LRFN2: variants seen among roughly 807,000 people sequenced by gnomAD.
The protein encoded by LRFN2 is leucine-rich repeat and fibronectin type-III domain-containing protein 2.
LRFN2 carries 18 observed loss-of-function variants against 37.3 expected under a neutral mutation model. The observed-to-expected ratio is 0.48, with a 90% CI of 0.33 to 0.72. The LOEUF (loss-of-function observed/expected upper bound fraction) is 0.72. Among genes scored for constraint, LRFN2 ranks in the 30% least tolerant of loss-of-function variants. LRFN2 has a pLI of 0.02. For missense variants in LRFN2, 1,006 were observed against 1,060.7 expected (o/e 0.95, Z 0.72); for synonymous variants, 556 against 466.6 (o/e 1.19, Z -2.47).
intron 1 of LRFN2, among the ~76,000 whole-genome samples, chr6:40,520,763 C>G (rs1214716522): frequency 6.6e-6 from 1 of 152,250 alleles, no homozygotes; most frequent in East Asian, 1.9e-4. Flanking sequence ...CTGTCCCCCT[C>G]TGCCCAGGCC....
chr6:40,511,394 G>A (rs116188128), intron 1 of LRFN2, among the ~76,000 whole-genome samples: 4,191 of 152,250 alleles, frequency 0.028, 84 homozygotes, highest in Middle Eastern at 0.068. Flanking sequence ...TGCAGAATGC[G>A]TTTCAATTCT....
intron 2 of LRFN2, among the ~76,000 whole-genome samples, chr6:40,430,952 G>A (rs868678238): frequency 3.3e-5 from 5 of 152,094 alleles, no homozygotes; most frequent in Admixed American, 6.5e-5. Flanking sequence ...ACTCCCTGAC[G>A]GTGAAGCCAA....
intron 1 of LRFN2, among the ~76,000 whole-genome samples, chr6:40,503,867 A>C (rs1765454986): frequency 6.6e-6 from 1 of 152,146 alleles, no homozygotes; most frequent in South Asian, 2.1e-4. Flanking sequence ...GTAAAGACAC[A>C]GAGGCTACCA....
chr6:40,405,699 T>C (rs573249350), intron 2 of LRFN2, among the ~76,000 whole-genome samples: 4 of 152,244 alleles, frequency 2.6e-5, no homozygotes, highest in Admixed American at 6.5e-5. Flanking sequence ...TTGGCTTCAA[T>C]ACTTGCAGCA....
intron 1 of LRFN2, among the ~76,000 whole-genome samples, chr6:40,445,196 AGTATCTACAGGGT>A (rs1763941909): frequency 6.6e-6 from 1 of 152,240 alleles, no homozygotes; most frequent in Admixed American, 6.5e-5. Context: ...GGAAGAGGGA[AGTATCTACAGGGT>A]GTCTGGTGTT....
intron 1 of LRFN2, among the ~76,000 whole-genome samples, chr6:40,566,364 C>T (rs1367483646): frequency 6.6e-6 from 1 of 152,200 alleles, no homozygotes; most frequent in African/African-American, 2.4e-5. Context: ...TACCATTAGA[C>T]CCAGCCATCC....
chr6:40,535,595 C>T (rs368489381), intron 1 of LRFN2, among the ~76,000 whole-genome samples: 1 of 152,280 alleles, frequency 6.6e-6, no homozygotes, highest in South Asian at 2.1e-4. Flanking sequence ...CAGACACATC[C>T]TTGGCCGGGG....
At chr6:40,564,712 G>T (rs1438170419) in intron 1 of LRFN2, among the ~76,000 whole-genome samples, 1 of 152,076 alleles carries the variant, frequency 6.6e-6, no homozygotes, top group African/African-American at 2.4e-5. Context: ...GTAAATCTGG[G>T]TTCCTTTCCC....
intron 1 of LRFN2, among the ~76,000 whole-genome samples, chr6:40,521,281 T>C (rs1485767866): frequency 1.3e-5 from 2 of 151,980 alleles, no homozygotes; most frequent in African/African-American, 4.8e-5. Flanking sequence ...GGCATGGGGA[T>C]TGGAGTGGGG....
At chr6:40,441,262 G>T (rs1018497189) in intron 1 of LRFN2, among the ~76,000 whole-genome samples, 2 of 152,170 alleles carry the variant, frequency 1.3e-5, no homozygotes, top group African/African-American at 4.8e-5. Flanking sequence ...CATGAATGGA[G>T]GGAGGCCCAT....
chr6:40,570,641 T>C (rs1767171329), intron 1 of LRFN2, among the ~76,000 whole-genome samples: 1 of 152,180 alleles, frequency 6.6e-6, no homozygotes, highest in African/African-American at 2.4e-5. Context: ...CGGGGGAAGC[T>C]GCTCTTAGTG....
chr6:40,478,292 C>T (rs1764751373), intron 1 of LRFN2, among the ~76,000 whole-genome samples: 1 of 152,150 alleles, frequency 6.6e-6, no homozygotes, highest in Admixed American at 6.5e-5. Context: ...ATTATTGGCC[C>T]ATTTTACAAA....
At chr6:40,476,003 T>C (rs1417243369) in intron 1 of LRFN2, among the ~76,000 whole-genome samples, 3 of 152,218 alleles carry the variant, frequency 2.0e-5, no homozygotes, top group African/African-American at 7.2e-5. Flanking sequence ...AAAAGCTATA[T>C]GTTATGGTTG....
chr6:40,487,524 T>C (rs956412309), intron 1 of LRFN2, among the ~76,000 whole-genome samples: 3 of 152,188 alleles, frequency 2.0e-5, no homozygotes, highest in Non-Finnish European at 4.4e-5. Flanking sequence ...CTCTGCAAAA[T>C]GCACACATCC....
intron 1 of LRFN2, among the ~76,000 whole-genome samples, chr6:40,484,647 C>T (rs528251906): frequency 6.6e-6 from 1 of 152,344 alleles, no homozygotes; most frequent in African/African-American, 2.4e-5. Context: ...CCCCTGGGAT[C>T]TATTCCTCAG....
intron 1 of LRFN2, among the ~76,000 whole-genome samples, chr6:40,500,128 C>T (rs1029220956): frequency 6.6e-6 from 1 of 152,234 alleles, no homozygotes; most frequent in Non-Finnish European, 1.5e-5. Context: ...GGGTCCTGGG[C>T]CCTCAGAGAA....
intron 2 of LRFN2, among the ~76,000 whole-genome samples, chr6:40,422,336 C>T (rs1763247741): frequency 6.6e-6 from 1 of 152,168 alleles, no homozygotes; most frequent in Non-Finnish European, 1.5e-5. Context: ...CAGTGCTGTC[C>T]AAACCCCTGA....
At chr6:40,463,012 T>C (rs1764379115) in intron 1 of LRFN2, among the ~76,000 whole-genome samples, 2 of 152,202 alleles carry the variant, frequency 1.3e-5, no homozygotes, top group Admixed American at 1.3e-4. Flanking sequence ...GGAAGTGTCC[T>C]TAAAGGAAGG....
At chr6:40,471,971 A>G (rs897702145) in intron 1 of LRFN2, among the ~76,000 whole-genome samples, 2 of 152,180 alleles carry the variant, frequency 1.3e-5, no homozygotes, top group South Asian at 4.1e-4. Flanking sequence ...GGTATCCCAA[A>G]TGCTGGAGGG....
Sources: gnomAD v4.1 joint callset for allele counts (sites outside exome capture counted in the v4.1 genomes callset) on GRCh38, gnomAD v4.1.1 for gene constraint, MANE v1.5 for transcripts, NCBI Gene and HGNC (gene_info 2026-07-23, HGNC 2026-07-21) for gene names.